The following PRKG2 variants were observed in gnomAD, a reference collection of about 807,000 sequenced individuals.
PRKG2 encodes protein kinase cGMP-dependent 2.
A neutral mutation model predicts 97.2 loss-of-function variants in PRKG2; 33 were observed. The observed-to-expected ratio is 0.34, with a 90% CI of 0.26 to 0.45. The LOEUF is 0.45. Among genes scored for constraint, PRKG2 ranks in the 20% least tolerant of loss-of-function variants. PRKG2 has a pLI of 1.00. For synonymous variants in PRKG2, 330 were observed against 321.8 expected, an observed-to-expected ratio of 1.03 and a Z score of -0.27; for missense variants, 638 against 900.0, an observed-to-expected ratio of 0.71 and a Z score of 3.73.
chr4:81,217,053 A>G (rs924840903), upstream of PRKG2, among the ~76,000 whole-genome samples: 290 of 133,566 alleles, frequency 2.2e-3, 3 homozygotes, highest in South Asian at 7.0e-3. Flanking sequence ...ATATATATAT[A>G]TGTGTATATA....
chr4:81,101,848 C>A (rs1158883753), intron 17 of PRKG2, among the ~76,000 whole-genome samples: 1 of 151,878 alleles, frequency 6.6e-6, no homozygotes, highest in African/African-American at 2.4e-5. Context: ...TAGAAAGAAG[C>A]TTTTTTGTTT....
At chr4:81,141,280 G>A (rs747250471) in intron 11 of PRKG2, among the ~76,000 whole-genome samples, 66 of 152,132 alleles carry the variant, frequency 4.3e-4, no homozygotes, top group Admixed American at 1.9e-3. Context: ...CAAAGTGCTG[G>A]GATTATAAGC....
chr4:81,165,117 A>G (rs1170683658), intron 6 of PRKG2: 2 of 152,092 alleles, frequency 1.3e-5, no homozygotes, highest in Admixed American at 6.6e-5. Context: ...TGTTGGTGTT[A>G]TTCCCACCCT....
In PRKG2 at chr4:81,112,669, A is replaced by G. The variant is rs555059105; in HGVS notation, c.1777-2058T>C. ...AAAATTTCAAGACTGATGTAAATGT[A>G]TCGCTTTCTTTATCTCCTTTGATCA... is the stretch of plus-strand genomic sequence containing the variant. On this transcript the variant is annotated intron_variant, in intron 14 of 18. Transcript: ENST00000264399. Among the ~76,000 whole-genome samples the G allele has an allele frequency of 3.9e-5, 6 of 152,312 alleles. No homozygotes were observed. The South Asian group carries it at 1.2e-3, about 32-fold the overall frequency.
intron 17 of PRKG2, among the ~76,000 whole-genome samples, chr4:81,094,457 T>A (rs1381333965): frequency 2.0e-5 from 3 of 152,104 alleles, no homozygotes; most frequent in African/African-American, 7.2e-5. Flanking sequence ...ATATACTGAG[T>A]AGAGAAGCTA....
At chr4:81,137,602 C>A in intron 12 of PRKG2, 120 bp from the exon 13 acceptor site, 1 of 737,626 alleles carries the variant, frequency 1.4e-6, no homozygotes, top group Non-Finnish European at 2.3e-6. Context: ...ATATAAATAC[C>A]CCACAACTAC....
chr4:81,136,695 C>T (rs1216899284), intron 13 of PRKG2, among the ~76,000 whole-genome samples: 1 of 152,126 alleles, frequency 6.6e-6, no homozygotes, highest in Non-Finnish European at 1.5e-5. Context: ...CTCCCCTCCT[C>T]GGAGCTCACC....
At chr4:81,186,550 A>G (rs1012910538) in intron 2 of PRKG2, among the ~76,000 whole-genome samples, 3 of 152,194 alleles carry the variant, frequency 2.0e-5, no homozygotes, top group Non-Finnish European at 4.4e-5. Context: ...CCCTAACATC[A>G]CAATTAAAAG....
chr4:81,104,338 A>G (rs765024233), intron 17 of PRKG2, 32 bp downstream of exon 17: 36 of 1,464,202 alleles, frequency 2.5e-5, no homozygotes, highest in Non-Finnish European at 3.1e-5. Context: ...CTAAATTTCT[A>G]TATTTTTCTG....
intron 1 of PRKG2, among the ~76,000 whole-genome samples, chr4:81,213,151 C>T (rs903098193): frequency 2.0e-5 from 3 of 152,194 alleles, no homozygotes; most frequent in East Asian, 1.9e-4. Flanking sequence ...GTTTGAGATG[C>T]TTGTGGGTCA....
At chr4:81,145,226 G>A (rs539367842) in intron 9 of PRKG2, among the ~76,000 whole-genome samples, 44 of 152,090 alleles carry the variant, frequency 2.9e-4, no homozygotes, top group Non-Finnish European at 4.6e-4. Context: ...TCCCACCAAC[G>A]GTGTAAAAGT....
rs372261767 is a variant in PRKG2 at position 81,158,516 on chromosome 4, T to C, written c.913-4795A>G. 5.9e-5 allele frequency among the ~76,000 whole-genome samples: 9 copies of C among 151,308 alleles called. No homozygotes were observed. In the East Asian group the frequency reaches 7.7e-4, roughly 13 times the overall value. ...AGAATCAATATCGTGAAAATGGCCA[T>C]ACTGCCCAAGGTAATTTGCAGATTC... On this transcript the variant is annotated intron_variant, in intron 6 of 18. Transcript: ENST00000264399.
At chr4:81,101,687 G>A (rs549466707) in intron 17 of PRKG2, among the ~76,000 whole-genome samples, 1 of 149,102 alleles carries the variant, frequency 6.7e-6, no homozygotes, top group Admixed American at 6.7e-5. Context: ...TGCACGTTGT[G>A]CACATGTACC....
At chr4:81,153,447 T>C in intron 7 of PRKG2, 197 bp downstream of exon 7, 1 of 490,896 alleles carries the variant, frequency 2.0e-6, no homozygotes. Context: ...CACTAAGAAG[T>C]TATTATTTCT....
At chr4:81,144,361 G>C (rs7662441) in intron 9 of PRKG2, 31 bp from the exon 10 acceptor site, 3 of 1,537,532 alleles carry the variant, frequency 2.0e-6, no homozygotes, top group Non-Finnish European at 2.7e-6. Flanking sequence ...AAAATGCTCC[G>C]TGCTGATAGT....
chr4:81,149,673 T>C (rs1338667173), intron 8 of PRKG2, among the ~76,000 whole-genome samples: 1 of 152,144 alleles, frequency 6.6e-6, no homozygotes, highest in African/African-American at 2.4e-5. Flanking sequence ...AGACCTTTAC[T>C]TATATTAGCT....
intron 2 of PRKG2, among the ~76,000 whole-genome samples, chr4:81,193,968 G>T (rs1752774340): frequency 6.6e-6 from 1 of 152,054 alleles, no homozygotes; most frequent in African/African-American, 2.4e-5. Flanking sequence ...GGGTACCCCA[G>T]ACCCACCAAA....
intron 9 of PRKG2, among the ~76,000 whole-genome samples, chr4:81,144,811 A>G (rs1245560468): frequency 1.5e-5 from 2 of 129,610 alleles, no homozygotes; most frequent in Non-Finnish European, 3.1e-5. Context: ...CCTGTGTCCA[A>G]GTGTTCTCAT....
chr4:81,179,868 G>A (rs1235498733), intron 2 of PRKG2, among the ~76,000 whole-genome samples: 6 of 152,016 alleles, frequency 3.9e-5, no homozygotes, highest in Admixed American at 2.6e-4. Flanking sequence ...TAGGCCGGGC[G>A]CAGTAGCTCA....
Sources: allele counts gnomAD v4.1 joint callset (sites outside exome capture counted in the v4.1 genomes callset), GRCh38; gene constraint gnomAD v4.1.1; transcripts MANE v1.5; gene names NCBI Gene and HGNC (gene_info 2026-07-23, HGNC 2026-07-21).